RENBP: variants seen among roughly 807,000 people sequenced by gnomAD.
RENBP encodes renin binding protein.
Under a neutral mutation model 37.8 loss-of-function variants are expected in RENBP, and 16 were observed. That is an observed-to-expected ratio of 0.42 (90% CI 0.29 to 0.64). The LOEUF (loss-of-function observed/expected upper bound fraction) is 0.64, where lower values mean the gene tolerates loss of function less well. RENBP is among the 30% of genes least tolerant of loss of function. The probability of loss-of-function intolerance (pLI) is 0.19; values close to 1 mark genes in which losing one functional copy is unlikely to be tolerated. For synonymous variants in RENBP, 170 were observed against 154.8 expected (o/e 1.10, Z -0.73); for missense variants, 347 against 379.5 (o/e 0.91, Z 0.71).
Position 153,935,563 on chromosome X carries a change from T to G in RENBP, c.1091A>C (p.Glu364Ala), listed in dbSNP as rs1557108380. The G allele has an allele frequency of 1.7e-6, 2 of 1,208,995 alleles. No homozygotes were observed. Among genetic ancestry groups the G allele is most frequent in the East Asian group, 5.9e-5 (2 of 33,805 alleles). The stretch of plus-strand genomic sequence containing the variant: ...CAGGTAGCCAAACCATTCCCCGTAC[T>G]CGGGATCGCGAAACTGGAATAACAG... ...EYTFRQFRDP[E>A]YGEWFGYLSR... The change falls in exon 10 of 11, where the codon GAG becomes GCG. Residue 364 changes from glutamate (E) to alanine (A), a missense_variant. Around this residue, in one of 3 missense-constraint regions of RENBP, gnomAD observed 91 missense variants for 67.7 expected, o/e 1.34. Transcript: ENST00000393700.
intron 9 of RENBP, among the ~76,000 whole-genome samples, chrX:153,938,995 T>C (rs1039904134): frequency 2.7e-5 from 3 of 109,726 alleles, no homozygotes; most frequent in Admixed American, 9.7e-5. Context: ...GGTTTCACCA[T>C]GTTGGCCAGG....
In RENBP at chrX:153,935,345, T is replaced by A; in HGVS notation, c.1225A>T (p.Ser409Cys). The change falls in exon 11 of 11, where the codon AGC (serine) becomes TGC (cysteine). Residue 409 changes from serine (S) to cysteine (C), a missense_variant. Physicochemically the swap from Ser to Cys is moderately radical, Grantham distance 112. Coordinates refer to ENST00000393700, the MANE Select transcript of RENBP (RefSeq NM_002910.6). ...MCEEMLGALL[S>C]RPAPAPSPAP... ...GGGGAGGGGGCGGGGGCGGGGCGGC[T>A]CAGCAGGGCGCCCAGCATCTCCTCG... is the stretch of plus-strand genomic sequence containing the variant. 9.2e-7 allele frequency: 1 copy of A among 1,083,281 alleles called. No homozygotes were observed. The highest frequency in any genetic ancestry group is 1.2e-6 in the Non-Finnish European group (1 of 830,565). 89.3% of individuals were successfully genotyped at this position (1,083,281 alleles called of 1,213,427 possible).
At chrX:153,943,105 GC>G (rs781993390) in intron 5 of RENBP, 26 bp from the exon 6 acceptor site, 11 of 1,063,974 alleles carry the variant, frequency 1.0e-5, no homozygotes, top group Non-Finnish European at 1.4e-5. Context: ...GCAAGGGGAG[GC>G]CCAGGCTGAG....
At chrX:153,941,925 G>GCGGCCCCCC in intron 7 of RENBP, 25 bp downstream of exon 7, 1 of 708,490 alleles carries the variant, frequency 1.4e-6, no homozygotes, top group Non-Finnish European at 2.3e-6. Context: ...CTCCTGGGTG[G>GCGGCCCCCC]CCCCCAGCCC....
At chrX:153,940,868 G>A (rs956083864) in intron 8 of RENBP, among the ~76,000 whole-genome samples, 5 of 111,669 alleles carry the variant, frequency 4.5e-5, no homozygotes, top group Non-Finnish European at 7.5e-5. Context: ...AGCCGGGTGC[G>A]GTGGCTCACG....
At chrX:153,936,478 C>T (rs189822639) in intron 9 of RENBP, among the ~76,000 whole-genome samples, 3,109 of 100,164 alleles carry the variant, frequency 0.031, 152 homozygotes, top group African/African-American at 0.11. Flanking sequence ...TGCACTCCAG[C>T]CTGGGCAACA....
Position 153,941,580 on chromosome X carries a change from G to A in RENBP, c.843C>T (p.His281=), listed in dbSNP as rs1428650926. 8.3e-7 allele frequency: 1 copy of A among 1,209,428 alleles called. No homozygotes were observed. The highest frequency in any genetic ancestry group is 1.1e-6 in the Non-Finnish European group (1 of 894,643). ...IRKGDPELRA[H]VIDKFLLLPF... ...GCAACAATAGGAACTTGTCAATCAC[G>A]TGGGCTCGAAGTTCGGGGTCGCCTT... The change falls in exon 8 of 11, where the codon CAC becomes CAT. Residue 281 remains histidine, a synonymous_variant. Transcript: ENST00000393700.
At position 153,935,478 on chromosome X, in the gene RENBP, C is replaced by T. The variant is rs1557108349; in HGVS notation, c.1165+11G>A. 1 of 1,197,867 alleles carries T rather than the reference C, an allele frequency of 8.3e-7. No homozygotes were observed. Among genetic ancestry groups the T allele is most frequent in the Non-Finnish European group, 1.1e-6 (1 of 884,199 alleles). On this transcript the variant is annotated intron_variant, in intron 10 of 10. Coordinates refer to ENST00000393700, the MANE Select transcript of RENBP (RefSeq NM_002910.6). ...CGCAACCCCTGCGGCCCCGCCCTCT[C>T]CCCCACTCACCTTTGAAAGGACCTC...
Position 153,944,152 on chromosome X carries a change from G to T in RENBP, c.141C>A (p.Gly47=). The T allele has an allele frequency of 8.3e-7, 1 of 1,210,160 alleles. No homozygotes were observed. The highest frequency in any genetic ancestry group is 1.1e-6 in the Non-Finnish European group (1 of 894,562). ...MEHSHDQEHG[G]FFTCLGREGR... ...CCTCGCGGCCAAGGCACGTGAAGAA[G>T]CCCCTGTGGGAAGGCAGGGTTAGCA... The change falls in exon 3 of 11, where the codon GGC becomes GGA. Residue 47 remains glycine (G), a synonymous_variant. Coordinates refer to ENST00000393700, the MANE Select transcript of RENBP (RefSeq NM_002910.6).
chrX:153,942,381 C>T (rs1437694289), intron 6 of RENBP: 1 of 190,511 alleles, frequency 5.2e-6, no homozygotes, highest in Non-Finnish European at 9.5e-6. Context: ...GGATTACAGG[C>T]ATGCACCACC....
chrX:153,935,608 C>A, intron 9 of RENBP, 32 bp from the exon 10 acceptor site: 1 of 1,117,531 alleles, frequency 8.9e-7, no homozygotes, highest in Middle Eastern at 2.8e-4. Context: ...CAGCTAGCGC[C>A]TGCAGGACCC....
In RENBP at chrX:153,943,528, C is replaced by T; in HGVS notation, c.462+18G>A. 8.4e-7 allele frequency: 1 copy of T among 1,194,390 alleles called. No individual in the cohort carries two copies. ...GGTCGCAGGGTGGGGTCTTCAGGGGCACCCTCCTCTCACACACCTGGTACC... is the reference window on the plus strand; with the variant it reads ...GGTCGCAGGGTGGGGTCTTCAGGGGTACCCTCCTCTCACACACCTGGTACC... On this transcript the variant is annotated intron_variant, in intron 5 of 10. Coordinates refer to ENST00000393700, the MANE Select transcript of RENBP (RefSeq NM_002910.6).
rs1301882981 is a variant in RENBP, at chrX:153,942,957, T to C, written c.585A>G (p.Leu195=). The change falls in exon 6 of 11, where the codon CTA becomes CTG. Residue 195 remains leucine (L), a synonymous_variant. Transcript: ENST00000393700. ...AAEPMAVPMM[L]LNLVEQLGEA... is the part of the protein sequence containing the mutation. Reference sequence around the variant, plus strand: ...CCCCGAGCTGCTCCACCAGGTTCAGTAGCATCATGGGCACCGCCATGGGCT... The same window carrying C: ...CCCCGAGCTGCTCCACCAGGTTCAGCAGCATCATGGGCACCGCCATGGGCT... The C allele has an allele frequency of 2.5e-6, 3 of 1,210,831 alleles. No individual in the cohort carries two copies. The highest frequency in any genetic ancestry group is 3.4e-6 in the Non-Finnish European group (3 of 894,997).
At chrX:153,935,622 C>T in intron 9 of RENBP, 46 bp from the exon 10 acceptor site, 1 of 1,044,551 alleles carries the variant, frequency 9.6e-7, no homozygotes. Flanking sequence ...AGGACCCGCC[C>T]AGATGCCACT....
At chrX:153,944,040 T>C (rs1557110134) in intron 3 of RENBP, 40 bp downstream of exon 3, 1 of 1,204,866 alleles carries the variant, frequency 8.3e-7, no homozygotes, top group Admixed American at 2.2e-5. Context: ...TTTGAGGCGA[T>C]GGGCCGTGTG....
At chrX:153,935,846 CG>C (rs2065197748) in intron 9 of RENBP, among the ~76,000 whole-genome samples, 1 of 112,942 alleles carries the variant, frequency 8.9e-6, no homozygotes, top group African/African-American at 3.2e-5. Context: ...CGTTGTCTAT[CG>C]GGCCGGGAGC....
intron 6 of RENBP, 199 bp from the exon 7 acceptor site, chrX:153,942,230 GTT>G (rs782716689): frequency 6.2e-3 from 587 of 94,874 alleles, no homozygotes; most frequent in Middle Eastern, 9.8e-3. Flanking sequence ...GCAAGTTGTT[GTT>G]TTTTTTTTTT....
intron 9 of RENBP, 46 bp downstream of exon 9, chrX:153,940,056 C>T (rs1557109264): frequency 4.2e-6 from 5 of 1,198,857 alleles, no homozygotes; most frequent in Admixed American, 2.2e-5. Context: ...AGACTCCCCC[C>T]ATTCCCCCAT....
At chrX:153,935,812 G>A (rs2065197477) in intron 9 of RENBP, among the ~76,000 whole-genome samples, 2 of 113,090 alleles carry the variant, frequency 1.8e-5, no homozygotes, top group African/African-American at 3.2e-5. Flanking sequence ...TGGAATGAAA[G>A]AACTCTGCCC....
Sources: gnomAD v4.1 joint callset for allele counts (sites outside exome capture counted in the v4.1 genomes callset) on GRCh38, gnomAD v4.1.1 for gene constraint, gnomAD v4.1.1 regional missense constraint, MANE v1.5 for transcripts, NCBI Gene and HGNC (gene_info 2026-07-23, HGNC 2026-07-21) for gene names.